KIF15: variants seen among roughly 807,000 people sequenced by gnomAD.
The protein encoded by KIF15 is kinesin family member 15, also known as kinesin-like protein KIF15.
Under a neutral mutation model 190.6 loss-of-function variants are expected in KIF15, and 140 were observed. The observed-to-expected ratio is 0.73, with a 90% CI of 0.64 to 0.84. The LOEUF is 0.84. KIF15 is among the 40% of genes least tolerant of loss of function. The pLI is 0.00. For missense variants in KIF15, 1,372 were observed against 1,584.4 expected, an observed-to-expected ratio of 0.87 and a Z score of 2.28; for synonymous variants, 528 against 551.3, an observed-to-expected ratio of 0.96 and a Z score of 0.59.
In KIF15 at chr3:44,800,447, G is replaced by A; in HGVS notation, c.1222+10G>A. The A allele has an allele frequency of 1.2e-6, 2 of 1,612,768 alleles. No individual in the cohort carries two copies. Among genetic ancestry groups the A allele is most frequent in the Non-Finnish European group, 1.7e-6 (2 of 1,179,582 alleles). Reference sequence around the variant, plus strand: ...AGCTTCCTGACCAGAGGTAGGATGAGCACACAGTCCTTTATCTTGGGGAAG... The same window carrying A: ...AGCTTCCTGACCAGAGGTAGGATGAACACACAGTCCTTTATCTTGGGGAAG... On this transcript the variant is annotated intron_variant, in intron 11 of 34. Coordinates refer to ENST00000326047, the MANE Select transcript of KIF15 (RefSeq NM_020242.3).
chr3:44,803,242 A>G (rs1056975452), intron 14 of KIF15, among the ~76,000 whole-genome samples: 1 of 152,258 alleles, frequency 6.6e-6, no homozygotes, highest in Non-Finnish European at 1.5e-5. Flanking sequence ...TTATTGATAA[A>G]AAGATTGATT....
intron 34 of KIF15, 52 bp downstream of exon 34, chr3:44,852,391 T>G (rs1197067581): frequency 1.3e-6 from 2 of 1,528,874 alleles, no homozygotes; most frequent in Non-Finnish European, 1.8e-6. Flanking sequence ...AAAATGATTA[T>G]TTTATTGAAA....
Position 44,812,281 on chromosome 3 carries a change from A to G in KIF15, c.2269A>G (p.Met757Val). 1 of 1,612,536 alleles carries G rather than the reference A, an allele frequency of 6.2e-7. No homozygotes were observed. Among genetic ancestry groups the G allele is most frequent in the South Asian group, 1.1e-5 (1 of 90,992 alleles). ...CAAACTGGAACATCATTCTACCCAA[A>G]TGCAGGAGGTGAGACCAAGAGCACA... ...VDKLEHHSTQ[M>V]QELFSSERID... Residue 757 changes from methionine (M) to valine (V), a missense_variant, in exon 18 of 35, where the codon ATG (methionine) becomes GTG (valine). Met to Val is a conservative substitution (Grantham distance 21). Coordinates refer to ENST00000326047, the MANE Select transcript of KIF15 (RefSeq NM_020242.3).
intron 1 of KIF15, among the ~76,000 whole-genome samples, chr3:44,767,052 C>T (rs952696361): frequency 1.4e-4 from 21 of 151,954 alleles, no homozygotes; most frequent in African/African-American, 1.9e-4. Flanking sequence ...CCTCGTGATC[C>T]GCCCGCTTCG....
At chr3:44,849,438 C>T (rs544374614) in intron 32 of KIF15, among the ~76,000 whole-genome samples, 5 of 152,216 alleles carry the variant, frequency 3.3e-5, no homozygotes, top group African/African-American at 1.2e-4. Context: ...GTCTGGGCAA[C>T]ATGGTGAAAC....
At chr3:44,861,975 C>G in intron 6 of KIF15, 7 of 1,388,172 alleles carry the variant, frequency 5.0e-6, no homozygotes, top group Non-Finnish European at 6.5e-6. Flanking sequence ...CGACCGCGTA[C>G]CCTGACACCC....
intron 25 of KIF15, 84 bp from the exon 26 acceptor site, chr3:44,830,812 C>A: frequency 7.2e-7 from 1 of 1,394,244 alleles, no homozygotes. Flanking sequence ...TTGTCATCAC[C>A]TTGGAACCCA....
chr3:44,852,042 C>G, intron 33 of KIF15, 90 bp downstream of exon 33: 2 of 1,477,502 alleles, frequency 1.4e-6, no homozygotes, highest in Non-Finnish European at 1.8e-6. Flanking sequence ...GATTGGGTGT[C>G]CTTAGTTCAG....
chr3:44,829,725 GATGTATATATTATAT>G (rs1428135730), intron 24 of KIF15, among the ~76,000 whole-genome samples: 142 of 127,208 alleles, frequency 1.1e-3, no homozygotes, highest in African/African-American at 3.7e-3. Flanking sequence ...ATATATTATA[GATGTATATATTATAT>G]ATGTATATAT....
chr3:44,771,569 C>A (rs1705641740), intron 1 of KIF15, among the ~76,000 whole-genome samples: 1 of 152,052 alleles, frequency 6.6e-6, no homozygotes, highest in South Asian at 2.1e-4. Context: ...TTTTGGGAAG[C>A]CTGTTGAATA....
At chr3:44,818,192 G>A (rs1708109623) in intron 20 of KIF15, among the ~76,000 whole-genome samples, 1 of 152,218 alleles carries the variant, frequency 6.6e-6, no homozygotes, top group African/African-American at 2.4e-5. Context: ...CTGCAAACAG[G>A]GACAATTTGA....
intron 7 of KIF15, among the ~76,000 whole-genome samples, chr3:44,791,672 T>G (rs753478594): frequency 6.6e-6 from 1 of 152,218 alleles, no homozygotes; most frequent in Non-Finnish European, 1.5e-5. Context: ...ATTTGCTTTT[T>G]CCCCTTATGT....
intron 27 of KIF15, among the ~76,000 whole-genome samples, chr3:44,839,258 G>A (rs992460735): frequency 2.4e-4 from 36 of 151,988 alleles, no homozygotes; most frequent in African/African-American, 8.2e-4. Flanking sequence ...GGTAGTCCCA[G>A]CTACTCGGGA....
chr3:44,841,813 C>A (rs1575680369), intron 29 of KIF15, among the ~76,000 whole-genome samples: 7 of 152,300 alleles, frequency 4.6e-5, no homozygotes, highest in Admixed American at 6.5e-5. Flanking sequence ...TGATACTAAT[C>A]CACCTACTTT....
intron 15 of KIF15, among the ~76,000 whole-genome samples, 169 bp downstream of exon 15, chr3:44,805,337 T>C (rs1707448131): frequency 6.6e-6 from 1 of 152,222 alleles, no homozygotes; most frequent in Admixed American, 6.5e-5. Context: ...TTTACTAATA[T>C]ATTCAATGAA....
Position 44,847,409 on chromosome 3 carries a change from T to C in KIF15, c.3696-576T>C, listed in dbSNP as rs571177155. 6.0e-4 allele frequency among the ~76,000 whole-genome samples: 92 copies of C among 152,322 alleles called. 1 individual carries two copies. Among genetic ancestry groups the C allele is most frequent in the Middle Eastern group, 3.4e-3 (1 of 294 alleles). ...ATTATCTAGAATGTAATTTTCTTAC[T>C]TTATATATTGGAACATTCCTTTTCC... On this transcript the variant is annotated intron_variant, in intron 30 of 34. Transcript: ENST00000326047.
downstream of KIF15, among the ~76,000 whole-genome samples, chr3:44,855,423 G>A (rs1465079858): frequency 2.6e-5 from 4 of 152,194 alleles, no homozygotes; most frequent in Admixed American, 6.5e-5. Context: ...AGGCCATCTG[G>A]ATATATATGT....
chr3:44,788,030 A>G (rs1255930352), intron 7 of KIF15, among the ~76,000 whole-genome samples: 1 of 151,876 alleles, frequency 6.6e-6, no homozygotes, highest in Non-Finnish European at 1.5e-5. Context: ...AATTTTTTGT[A>G]TTTCAGGAGA....
In KIF15 at chr3:44,830,927, A is replaced by G; in HGVS notation, c.3080A>G (p.Glu1027Gly). 6.2e-7 allele frequency: 1 copy of G among 1,614,026 alleles called. No homozygotes were observed. The highest frequency in any genetic ancestry group is 8.5e-7 in the Non-Finnish European group (1 of 1,179,984). Residue 1027 changes from glutamate (E) to glycine (G), a missense_variant, in exon 26 of 35, where the codon GAA becomes GGA. Coordinates refer to ENST00000326047, the MANE Select transcript of KIF15 (RefSeq NM_020242.3). The part of the protein sequence containing the change: ...CKYNSALVDR[E>G]ESRVLIKKQE... The stretch of plus-strand genomic sequence containing the variant: ...TACAACTCTGCTTTGGTTGACAGAG[A>G]AGAGAGCAGAGTGTTGATCAAGAAG...
Sources: allele counts gnomAD v4.1 joint callset (sites outside exome capture counted in the v4.1 genomes callset), GRCh38; gene constraint gnomAD v4.1.1; transcripts MANE v1.5; gene names NCBI Gene and HGNC (gene_info 2026-07-23, HGNC 2026-07-21).